RARB: variants seen among roughly 807,000 people sequenced by gnomAD.
The protein encoded by RARB is retinoic acid receptor beta.
RARB carries 17 observed loss-of-function variants against 51.9 expected under a neutral mutation model. The observed-to-expected ratio is 0.33, with a 90% CI of 0.22 to 0.49. The LOEUF (loss-of-function observed/expected upper bound fraction) is 0.49, where lower values mean the gene tolerates loss of function less well. RARB is among the 20% of genes least tolerant of loss of function. RARB has a pLI of 0.99. For synonymous variants in RARB, 215 were observed against 195.4 expected (o/e 1.10, Z -0.84); for missense variants, 369 against 550.8 (o/e 0.67, Z 3.30).
intron 2 of RARB, among the ~76,000 whole-genome samples, chr3:24,918,027 C>T (rs990579591): frequency 1.3e-5 from 2 of 152,168 alleles, no homozygotes; most frequent in Non-Finnish European, 2.9e-5. Flanking sequence ...CATCATGCAA[C>T]CCAGCAAGTC....
intron 5 of RARB, among the ~76,000 whole-genome samples, chr3:25,328,502 A>G (rs1575315869): frequency 6.6e-6 from 1 of 152,268 alleles, no homozygotes; most frequent in Non-Finnish European, 1.5e-5. Flanking sequence ...CTTGGGCAAC[A>G]GAGGAAGTCT....
At chr3:25,498,786 T>C (rs1697162706) in intron 2 of RARB, among the ~76,000 whole-genome samples, 1 of 152,196 alleles carries the variant, frequency 6.6e-6, no homozygotes, top group African/African-American at 2.4e-5. Flanking sequence ...ATGTTTTCCA[T>C]TGTGTTAATG....
chr3:25,443,735 C>T (rs544128437), intron 1 of RARB, among the ~76,000 whole-genome samples: 25 of 152,024 alleles, frequency 1.6e-4, no homozygotes, highest in African/African-American at 6.0e-4. Flanking sequence ...AGTTCAAGAC[C>T]AGCCTGGCCA....
intron 5 of RARB, among the ~76,000 whole-genome samples, chr3:25,366,786 G>A (rs1360134109): frequency 3.9e-5 from 6 of 152,176 alleles, no homozygotes; most frequent in Admixed American, 3.9e-4. Context: ...TCTTTGGATA[G>A]TCTCCAGTGA....
At chr3:24,839,270 C>A (rs1297874794) in intron 1 of RARB, among the ~76,000 whole-genome samples, 1 of 152,104 alleles carries the variant, frequency 6.6e-6, no homozygotes, top group East Asian at 1.9e-4. Flanking sequence ...GATACTGCTG[C>A]AGTGCTGTTC....
intron 5 of RARB, among the ~76,000 whole-genome samples, chr3:25,226,785 G>A (rs1702065518): frequency 6.6e-6 from 1 of 152,160 alleles, no homozygotes; most frequent in African/African-American, 2.4e-5. Context: ...AGACACATTA[G>A]AAATAGATCA....
chr3:24,963,715 C>A (rs886412035), intron 2 of RARB, among the ~76,000 whole-genome samples: 2 of 151,762 alleles, frequency 1.3e-5, no homozygotes, highest in Admixed American at 1.3e-4. Context: ...GCATCTCTGC[C>A]GGAGTATATA....
intron 3 of RARB, among the ~76,000 whole-genome samples, chr3:25,069,464 A>G (rs73034730): frequency 0.033 from 5,086 of 152,320 alleles, 139 homozygotes; most frequent in Non-Finnish European, 0.052. Flanking sequence ...ATGCTGGATC[A>G]TTCCACCCAA....
At chr3:24,993,752 GT>G (rs1247431685) in intron 2 of RARB, among the ~76,000 whole-genome samples, 9 of 152,168 alleles carry the variant, frequency 5.9e-5, no homozygotes, top group African/African-American at 1.9e-4. Flanking sequence ...CTGAGAACAT[GT>G]GGTATTTAAC....
intron 3 of RARB, among the ~76,000 whole-genome samples, chr3:25,090,900 T>A (rs947400253): frequency 6.6e-6 from 1 of 152,158 alleles, no homozygotes; most frequent in East Asian, 1.9e-4. Context: ...AAGAAATGTT[T>A]AAGATGATCC....
At chr3:25,086,397 TAAG>T (rs1359009990) in intron 3 of RARB, among the ~76,000 whole-genome samples, 1 of 152,206 alleles carries the variant, frequency 6.6e-6, no homozygotes, top group African/African-American at 2.4e-5. Flanking sequence ...TTTGCTAACG[TAAG>T]AAGGTGATTG....
At chr3:25,178,261 C>G (rs1273481910) in intron 5 of RARB, among the ~76,000 whole-genome samples, 1 of 152,132 alleles carries the variant, frequency 6.6e-6, no homozygotes, top group Non-Finnish European at 1.5e-5. Flanking sequence ...ATTTTTATAG[C>G]ATAGAGTTTC....
At chr3:25,501,114 G>A (rs1455584325) in intron 2 of RARB, 68 bp from the exon 3 acceptor site, 1 of 1,507,038 alleles carries the variant, frequency 6.6e-7, no homozygotes, top group Admixed American at 2.5e-5. Context: ...CATTGATAAG[G>A]TTGGCTTTGA....
At chr3:24,838,221 TA>T (rs1409722907) in intron 1 of RARB, among the ~76,000 whole-genome samples, 1 of 152,214 alleles carries the variant, frequency 6.6e-6, no homozygotes, top group Non-Finnish European at 1.5e-5. Context: ...CCACTTTTCC[TA>T]CATCTCTTCT....
At chr3:24,854,460 G>A (rs1197404489) in intron 1 of RARB, among the ~76,000 whole-genome samples, 1 of 152,164 alleles carries the variant, frequency 6.6e-6, no homozygotes, top group African/African-American at 2.4e-5. Context: ...GCTTTGTGGA[G>A]CTTTCCTTCT....
chr3:25,350,860 C>G (rs1300682557), intron 5 of RARB, among the ~76,000 whole-genome samples: 1 of 152,146 alleles, frequency 6.6e-6, no homozygotes, highest in South Asian at 2.1e-4. Context: ...GCTGCATGTC[C>G]CCTTGTTGCA....
rs1443349656 is a variant in RARB at position 25,228,270 on chromosome 3, G to A, written c.178+53695G>A. Reference sequence around the variant, plus strand: ...CATTTGTACAGTTCTCTCTTTTAAGGATACTCTACTCTTTGTTTGCCATAT... The same window carrying A: ...CATTTGTACAGTTCTCTCTTTTAAGAATACTCTACTCTTTGTTTGCCATAT... On this transcript the variant is annotated intron_variant, in intron 5 of 11. Transcript: ENST00000383772. Among the ~76,000 whole-genome samples the A allele has an allele frequency of 2.3e-5, 3 of 132,210 alleles. No individual in the cohort carries two copies. The East Asian group carries it at 7.0e-4, about 31-fold the overall frequency. 86.7% of individuals were successfully genotyped at this position (132,210 alleles called of 152,430 possible).
chr3:25,310,479 G>T (rs1704261195), intron 5 of RARB, among the ~76,000 whole-genome samples: 2 of 152,124 alleles, frequency 1.3e-5, no homozygotes, highest in Admixed American at 1.3e-4. Flanking sequence ...GGAAATAGGG[G>T]GTTTGGACAT....
chr3:25,217,032 C>T (rs919862464), intron 5 of RARB, among the ~76,000 whole-genome samples: 1 of 152,094 alleles, frequency 6.6e-6, no homozygotes, highest in Non-Finnish European at 1.5e-5. Flanking sequence ...GATGTGTTCT[C>T]ATCAAGAGGT....
Sources: allele counts gnomAD v4.1 joint callset (sites outside exome capture counted in the v4.1 genomes callset), GRCh38; gene constraint gnomAD v4.1.1; transcripts MANE v1.5; gene names NCBI Gene and HGNC (gene_info 2026-07-23, HGNC 2026-07-21).